Variants in N4BP2L2 observed in about 807,000 individuals in gnomAD.
N4BP2L2 encodes NEDD4-binding protein 2-like 2.
In N4BP2L2, 50 loss-of-function variants were observed where a neutral mutation model predicts 56.2. The observed-to-expected ratio is 0.89, with a 90% CI of 0.71 to 1.13. The LOEUF (loss-of-function observed/expected upper bound fraction) is 1.13, where lower values mean the gene tolerates loss of function less well. N4BP2L2 is among the 50% of genes most tolerant of loss of function. N4BP2L2 has a pLI of 0.00. For missense variants in N4BP2L2, 689 were observed against 693.8 expected (o/e 0.99, Z 0.08); for synonymous variants, 203 against 223.6 (o/e 0.91, Z 0.82).
In N4BP2L2 at chr13:32,461,593, A is replaced by T. The variant is rs1056472233; in HGVS notation, c.366-17467T>A. Among the ~76,000 whole-genome samples the T allele has an allele frequency of 6.2e-4, 95 of 152,272 alleles. 1 individual carries two copies. The highest frequency in any genetic ancestry group is 3.4e-3 in the Middle Eastern group (1 of 294). Reference sequence around the variant, plus strand: ...CCACAATGAGATATCATTCTACCCCAGTTAGAATGGCTATTATTATTATTT... The same window carrying T: ...CCACAATGAGATATCATTCTACCCCTGTTAGAATGGCTATTATTATTATTT... On this transcript the variant is annotated intron_variant, in intron 6 of 9. Transcript: ENST00000357505.
chr13:32,434,256 C>CTTTTTTTT (rs983130668), intron 9 of N4BP2L2, among the ~76,000 whole-genome samples: 23 of 128,260 alleles, frequency 1.8e-4, no homozygotes, highest in Middle Eastern at 3.9e-3. Flanking sequence ...TTCTTTTTTT[C>CTTTTTTTT]TTTTTTTTTT....
intron 3 of N4BP2L2, 168 bp downstream of exon 3, chr13:32,527,240 A>G (rs572756466): frequency 3.9e-5 from 25 of 645,916 alleles, no homozygotes; most frequent in Non-Finnish European, 6.4e-5. Flanking sequence ...CAGGTAGGGC[A>G]AGTATAATTA....
chr13:32,452,838 C>A (rs1480039821), intron 6 of N4BP2L2, among the ~76,000 whole-genome samples: 1 of 152,112 alleles, frequency 6.6e-6, no homozygotes, highest in Non-Finnish European at 1.5e-5. Flanking sequence ...AGAAACAAGA[C>A]AAGAATGCCT....
intron 6 of N4BP2L2, among the ~76,000 whole-genome samples, chr13:32,446,719 T>C (rs537461387): frequency 1.3e-5 from 2 of 152,174 alleles, no homozygotes; most frequent in Non-Finnish European, 2.9e-5. Flanking sequence ...AAAATGTTTA[T>C]AATTCCATAT....
intron 6 of N4BP2L2, among the ~76,000 whole-genome samples, chr13:32,458,615 A>T (rs1016278779): frequency 2.0e-5 from 3 of 152,228 alleles, no homozygotes; most frequent in Non-Finnish European, 4.4e-5. Flanking sequence ...TGCACCCAAC[A>T]TCAAAGCACC....
At chr13:32,444,163 A>G in intron 6 of N4BP2L2, 1 of 1,415,056 alleles carries the variant, frequency 7.1e-7, no homozygotes, top group South Asian at 1.7e-5. Context: ...GTATGACTTA[A>G]TTACATGTAT....
At chr13:32,474,863 C>T (rs752327758) in intron 6 of N4BP2L2, among the ~76,000 whole-genome samples, 13 of 152,090 alleles carry the variant, frequency 8.5e-5, no homozygotes, top group Admixed American at 1.3e-4. Flanking sequence ...TCCTGTGGGC[C>T]GCTGACAATG....
At chr13:32,457,259 C>T (rs1393625522) in intron 6 of N4BP2L2, among the ~76,000 whole-genome samples, 3 of 152,086 alleles carry the variant, frequency 2.0e-5, no homozygotes, top group Admixed American at 6.6e-5. Flanking sequence ...ACTAAATACA[C>T]AAATTTGGAG....
chr13:32,473,964 G>T (rs934337932), intron 6 of N4BP2L2, among the ~76,000 whole-genome samples: 1 of 152,166 alleles, frequency 6.6e-6, no homozygotes, highest in Non-Finnish European at 1.5e-5. Context: ...TTTGGGTACA[G>T]GGGAAGCATT....
chr13:32,521,868 C>T (rs2051040642), intron 4 of N4BP2L2: 3 of 310,766 alleles, frequency 9.7e-6, no homozygotes, highest in Non-Finnish European at 1.8e-5. Flanking sequence ...CTCAGCTACT[C>T]AGGTGGCTGA....
downstream of N4BP2L2, among the ~76,000 whole-genome samples, chr13:32,509,586 A>G (rs1229093258): frequency 6.6e-6 from 1 of 152,174 alleles, no homozygotes; most frequent in African/African-American, 2.4e-5. Flanking sequence ...CCCTGGTTTT[A>G]ATTTTCAAAA....
chr13:32,444,056 TG>T lies in N4BP2L2; in HGVS notation c.435del (p.Asn145LysfsTer16). The T allele has an allele frequency of 6.3e-7, 1 of 1,595,784 alleles. No homozygotes were observed. The highest frequency in any genetic ancestry group is 8.5e-7 in the Non-Finnish European group (1 of 1,170,512). ...ATTCTATTCTGACTGTTCTGCTTTT[TG>T]TTTCTTTTTCTGTTCCTCTTCTGTT... On this transcript the variant is annotated frameshift_variant, in exon 7 of 10. Transcript: ENST00000357505. LOFTEE classifies it high-confidence loss of function.
intron 6 of N4BP2L2, among the ~76,000 whole-genome samples, chr13:32,493,756 A>G (rs956265055): frequency 6.6e-6 from 1 of 152,364 alleles, no homozygotes; most frequent in Middle Eastern, 3.4e-3. Context: ...AACTGCCTGA[A>G]ATTTTCTGGG....
chr13:32,471,733 G>A (rs897967388), intron 6 of N4BP2L2, among the ~76,000 whole-genome samples: 7 of 152,242 alleles, frequency 4.6e-5, no homozygotes, highest in African/African-American at 1.7e-4. Flanking sequence ...GCTGCTGCGA[G>A]AGAGCTGCTG....
downstream of N4BP2L2, chr13:32,505,531 C>T (rs2090796343): frequency 1.3e-5 from 2 of 152,220 alleles, no homozygotes; most frequent in Non-Finnish European, 2.9e-5. Flanking sequence ...TCTCTCTCCT[C>T]TTGCATCTTA....
At chr13:32,486,055 GATGTCATCTCAA>G in intron 6 of N4BP2L2, among the ~76,000 whole-genome samples, 1 of 152,194 alleles carries the variant, frequency 6.6e-6, no homozygotes, top group African/African-American at 2.4e-5. Flanking sequence ...GGCGAACAGA[GATGTCATCTCAA>G]ACAAACAAAC....
At chr13:32,476,009 T>C (rs1213396961) in intron 6 of N4BP2L2, among the ~76,000 whole-genome samples, 1 of 152,170 alleles carries the variant, frequency 6.6e-6, no homozygotes, top group Non-Finnish European at 1.5e-5. Context: ...TACCTTAAAA[T>C]GGTATTGAGG....
chr13:32,461,213 T>C (rs1012853465), intron 6 of N4BP2L2, among the ~76,000 whole-genome samples: 1 of 152,172 alleles, frequency 6.6e-6, no homozygotes, highest in Admixed American at 6.6e-5. Flanking sequence ...GCAAAGAATT[T>C]ATGGCTAAGA....
intron 6 of N4BP2L2, among the ~76,000 whole-genome samples, chr13:32,487,144 T>C (rs1355743772): frequency 6.6e-6 from 1 of 151,976 alleles, no homozygotes; most frequent in Non-Finnish European, 1.5e-5. Flanking sequence ...CTAGGTAACA[T>C]GGTGAGACCC....
Sources: gnomAD v4.1 joint callset for allele counts (sites outside exome capture counted in the v4.1 genomes callset) on GRCh38, gnomAD v4.1.1 for gene constraint, MANE v1.5 for transcripts, NCBI Gene and HGNC (gene_info 2026-07-23, HGNC 2026-07-21) for gene names.